Variants in TMEM132B observed in about 807,000 individuals in gnomAD.
TMEM132B encodes transmembrane protein 132B.
In TMEM132B, 18 loss-of-function variants were observed where a neutral mutation model predicts 90.8. The ratio of observed to expected loss-of-function variants is 0.20; its 90% confidence interval spans 0.14 to 0.29. The LOEUF (loss-of-function observed/expected upper bound fraction) is 0.29. Among genes scored for constraint, TMEM132B ranks in the 10% least tolerant of loss-of-function variants. The pLI is 1.00. For missense variants in TMEM132B, 1,096 were observed against 1,326.8 expected (o/e 0.83, Z 2.70); for synonymous variants, 504 against 523.3 (o/e 0.96, Z 0.50).
chr12:125,326,096 G>A (rs1876555491), intron 1 of TMEM132B, among the ~76,000 whole-genome samples: 1 of 152,214 alleles, frequency 6.6e-6, no homozygotes. Flanking sequence ...GGACACCCCA[G>A]GGAGCCTCTG....
chr12:125,524,114 C>A (rs1236012411), intron 4 of TMEM132B, among the ~76,000 whole-genome samples: 1 of 152,212 alleles, frequency 6.6e-6, no homozygotes, highest in East Asian at 1.9e-4. Context: ...AGGCTGGTCA[C>A]CTAACCTCCC....
intron 6 of TMEM132B, among the ~76,000 whole-genome samples, chr12:125,649,796 C>T (rs970474377): frequency 3.3e-5 from 5 of 152,102 alleles, no homozygotes; most frequent in Admixed American, 2.0e-4. Flanking sequence ...TTGAGGGGAA[C>T]GTTCTGGAAT....
At chr12:125,501,867 G>T (rs1245188667) in intron 3 of TMEM132B, among the ~76,000 whole-genome samples, 1 of 152,202 alleles carries the variant, frequency 6.6e-6, no homozygotes. Context: ...GTATTTGTAA[G>T]ATGTAAGAGG....
chr12:125,253,465 C>T (rs1407079259), intron 1 of TMEM132B, among the ~76,000 whole-genome samples: 3 of 141,292 alleles, frequency 2.1e-5, no homozygotes, highest in Non-Finnish European at 4.5e-5. Context: ...GACAGGGTCT[C>T]ACTCTGTCGC....
chr12:125,462,962 C>G (rs1881478593), intron 3 of TMEM132B, among the ~76,000 whole-genome samples: 1 of 152,086 alleles, frequency 6.6e-6, no homozygotes, highest in South Asian at 2.1e-4. Flanking sequence ...AGTTTGGGAC[C>G]CAAGAATGGA....
chr12:125,393,897 C>A (rs1879098734), intron 2 of TMEM132B, among the ~76,000 whole-genome samples: 1 of 152,210 alleles, frequency 6.6e-6, no homozygotes, highest in Non-Finnish European at 1.5e-5. Flanking sequence ...ACTGTCTAAT[C>A]TCCTACTGTC....
chr12:125,192,197 GT>G (rs889182940), intron 1 of TMEM132B, among the ~76,000 whole-genome samples: 4 of 152,138 alleles, frequency 2.6e-5, no homozygotes, highest in African/African-American at 9.7e-5. Flanking sequence ...ACTTCTGTTT[GT>G]CCCATTTTAC....
intron 1 of TMEM132B, among the ~76,000 whole-genome samples, chr12:125,290,251 T>C (rs1419419018): frequency 6.6e-6 from 1 of 152,228 alleles, no homozygotes; most frequent in African/African-American, 2.4e-5. Context: ...AGCTTCACTT[T>C]CAACTTTCTG....
chr12:125,395,857 C>T (rs890520357), intron 2 of TMEM132B, among the ~76,000 whole-genome samples: 2 of 152,120 alleles, frequency 1.3e-5, no homozygotes, highest in African/African-American at 4.8e-5. Context: ...TATTCTTAGG[C>T]GGGTGGTAGA....
chr12:125,494,194 C>A (rs1882448684), intron 3 of TMEM132B, among the ~76,000 whole-genome samples: 1 of 142,642 alleles, frequency 7.0e-6, no homozygotes, highest in Non-Finnish European at 1.5e-5. Flanking sequence ...CCCCCTCCTC[C>A]CTGGAAATGG....
intron 5 of TMEM132B, among the ~76,000 whole-genome samples, chr12:125,608,098 G>A (rs1039863703): frequency 2.6e-5 from 4 of 152,084 alleles, no homozygotes; most frequent in East Asian, 1.9e-4. Context: ...TCTTTTGAGC[G>A]TATACTTAGG....
intron 4 of TMEM132B, among the ~76,000 whole-genome samples, chr12:125,525,332 TGGTGTTACCA>T (rs1411409937): frequency 6.6e-6 from 1 of 152,238 alleles, no homozygotes; most frequent in Non-Finnish European, 1.5e-5. Context: ...CCCCTTGTGG[TGGTGTTACCA>T]GGTGAGGCCT....
chr12:125,231,841 A>C (rs555800473), intron 1 of TMEM132B, among the ~76,000 whole-genome samples: 2 of 152,190 alleles, frequency 1.3e-5, no homozygotes, highest in Non-Finnish European at 2.9e-5. Context: ...ACTTCGTAAA[A>C]ACAGTTCAAA....
chr12:125,292,963 G>A (rs1026077511), intron 1 of TMEM132B, among the ~76,000 whole-genome samples: 3 of 152,232 alleles, frequency 2.0e-5, no homozygotes, highest in African/African-American at 7.2e-5. Flanking sequence ...GTTAGCAAAT[G>A]TATGGGGAAT....
intron 1 of TMEM132B, among the ~76,000 whole-genome samples, chr12:125,253,837 G>C (rs78596771): frequency 6.6e-6 from 1 of 152,084 alleles, no homozygotes; most frequent in Non-Finnish European, 1.5e-5. Flanking sequence ...AAGGTCACCC[G>C]GCTAAGAAGC....
chr12:125,363,861 G>T (rs1343507933), intron 2 of TMEM132B, among the ~76,000 whole-genome samples: 4 of 152,060 alleles, frequency 2.6e-5, no homozygotes, highest in African/African-American at 9.7e-5. Context: ...ATCTTGAGAT[G>T]GTTTAATAGA....
In TMEM132B at chr12:125,209,382, C is replaced by T. The variant is rs758263102; in HGVS notation, c.67+22516C>T. On this transcript the variant is annotated intron_variant, in intron 1 of 8. Coordinates refer to ENST00000682704, the MANE Select transcript of TMEM132B (RefSeq NM_001366854.1). This position sits in a 1 kb window ranked among gnomAD's most constrained non-coding sequence, Gnocchi z 4.4. Reference sequence around the variant, plus strand: ...CTTTGTCCCAGCCTGGGACAGCAGACGCTAGCAGTGGCAGCAGAGTGGCTG... The same window carrying T: ...CTTTGTCCCAGCCTGGGACAGCAGATGCTAGCAGTGGCAGCAGAGTGGCTG... 2.6e-5 allele frequency among the ~76,000 whole-genome samples: 4 copies of T among 152,178 alleles called. No homozygotes were observed. The highest frequency in any genetic ancestry group is 2.1e-4 in the South Asian group (1 of 4,834).
intron 2 of TMEM132B, among the ~76,000 whole-genome samples, chr12:125,378,647 G>A (rs1326026585): frequency 6.6e-6 from 1 of 152,140 alleles, no homozygotes; most frequent in African/African-American, 2.4e-5. Context: ...TTTTCCTAGA[G>A]CTCCCACCCA....
chr12:125,239,866 C>G (rs959160229), intron 1 of TMEM132B, among the ~76,000 whole-genome samples: 1 of 152,152 alleles, frequency 6.6e-6, no homozygotes, highest in Non-Finnish European at 1.5e-5. Flanking sequence ...GGTGGGATGC[C>G]GCAGGCATTG....
Sources: gnomAD v4.1 joint callset for allele counts (sites outside exome capture counted in the v4.1 genomes callset) on GRCh38, gnomAD v4.1.1 for gene constraint, Gnocchi (gnomAD v3.1) non-coding constraint, MANE v1.5 for transcripts, NCBI Gene and HGNC (gene_info 2026-07-23, HGNC 2026-07-21) for gene names.